Variants in PC observed in about 807,000 individuals in gnomAD.
PC encodes pyruvate carboxylase, mitochondrial.
PC carries 46 observed loss-of-function variants against 107.8 expected under a neutral mutation model. The observed-to-expected ratio is 0.43, with a 90% confidence interval of 0.34 to 0.55. The LOEUF (loss-of-function observed/expected upper bound fraction) is 0.55, where lower values mean the gene tolerates loss of function less well. PC is among the 20% of genes least tolerant of loss of function. The pLI is 0.04. For synonymous variants in PC, 662 were observed against 684.7 expected (o/e 0.97, Z 0.52); for missense variants, 1,241 against 1,643.1 (o/e 0.76, Z 4.23).
Position 66,870,210 on chromosome 11 carries a change from C to T in PC, c.903+92G>A. The T allele has an allele frequency of 6.6e-7, 1 of 1,507,804 alleles. No individual in the cohort carries two copies. The highest frequency in any genetic ancestry group is 1.7e-5 in the Admixed American group (1 of 58,934). The allele number at this position is 1,507,804 out of a possible 1,614,324, so 93.4% of individuals were successfully genotyped here. A position where few individuals can be genotyped will look rare whatever the true frequency, so the allele number is the denominator to read the frequency against. On this transcript the variant is annotated intron_variant, in intron 9 of 22. Transcript: ENST00000393960. This position sits in a 1 kb window ranked among gnomAD's most constrained non-coding sequence, Gnocchi z 6.1. The stretch of plus-strand genomic sequence containing the variant: ...CATCCCCAGTCCCCAGAAGGGGACT[C>T]AGGGTCCCCTTCCCCAACCAGCGCC...
chr11:66,849,448 C>G, intron 21 of PC, 78 bp from the exon 22 acceptor site: 1 of 1,606,206 alleles, frequency 6.2e-7, no homozygotes, highest in South Asian at 1.1e-5. Flanking sequence ...ATAGGAAGTC[C>G]CCACACTGGG....
At chr11:66,948,989 TTTATTA>T (rs200743709) in intron 3 of PC, among the ~76,000 whole-genome samples, 3 of 151,504 alleles carry the variant, frequency 2.0e-5, no homozygotes, top group East Asian at 1.9e-4. Context: ...ATTATTATTA[TTTATTA>T]TTATTATTAT....
chr11:66,904,561 C>T (rs1401437293), intron 3 of PC, among the ~76,000 whole-genome samples: 1 of 152,218 alleles, frequency 6.6e-6, no homozygotes, highest in Non-Finnish European at 1.5e-5. Context: ...TCACCTGAGC[C>T]TGGGAGGTCA....
intron 3 of PC, among the ~76,000 whole-genome samples, chr11:66,887,398 TA>T (rs1947411340): frequency 6.6e-6 from 1 of 152,186 alleles, no homozygotes; most frequent in South Asian, 2.1e-4. Context: ...AGAAAAACTA[TA>T]ATTTATCTCC....
rs181314905 is a variant in PC, at chr11:66,874,045, C to T, written c.1-1886G>A. 1.5e-3 allele frequency among the ~76,000 whole-genome samples: 221 copies of T among 152,020 alleles called. 1 individual carries two copies. Among genetic ancestry groups the T allele is most frequent in the African/African-American group, 5.2e-3 (215 of 41,450 alleles). ...TGCGATCTCGGCTCACTGCAACCTC[C>T]GCCTCCTGGGTTCGAGTGATTCTCC... is the stretch of plus-strand genomic sequence containing the variant. On this transcript the variant is annotated intron_variant, in intron 3 of 22. Transcript: ENST00000393960.
At chr11:66,947,962 C>CA (rs780211853) in intron 3 of PC, among the ~76,000 whole-genome samples, 82 of 59,530 alleles carry the variant, frequency 1.4e-3, no homozygotes, top group South Asian at 0.011. Context: ...GATTCCGTCT[C>CA]AAAAAAAAAA....
At chr11:66,861,723 G>A (rs1400373278) in intron 12 of PC, among the ~76,000 whole-genome samples, 5 of 152,278 alleles carry the variant, frequency 3.3e-5, no homozygotes, top group South Asian at 2.1e-4. Context: ...CTCAGGAGGC[G>A]GCTAGAGCCA....
At chr11:66,935,088 T>A (rs1948962608) in intron 3 of PC, among the ~76,000 whole-genome samples, 2 of 152,232 alleles carry the variant, frequency 1.3e-5, no homozygotes, top group Admixed American at 1.3e-4. Flanking sequence ...GATCCTCCTG[T>A]GGCCTCACAG....
At chr11:66,911,408 G>A (rs1948329783) in intron 3 of PC, among the ~76,000 whole-genome samples, 1 of 150,926 alleles carries the variant, frequency 6.6e-6, no homozygotes, top group African/African-American at 2.4e-5. Context: ...CTTCTTTACA[G>A]GAGCAGCCTG....
chr11:66,864,571 G>A (rs1232462631), intron 11 of PC, among the ~76,000 whole-genome samples: 5 of 152,208 alleles, frequency 3.3e-5, no homozygotes, highest in African/African-American at 1.2e-4. Flanking sequence ...GGGAGGATGG[G>A]AGGGAGAGGA....
rs1477184667 is a variant in PC at position 66,858,425 on chromosome 11, G to A, written c.1369-5042C>T. 1.9e-6 allele frequency: 3 copies of A among 1,554,992 alleles called. No individual in the cohort carries two copies. The highest frequency in any genetic ancestry group is 2.6e-6 in the Non-Finnish European group (3 of 1,156,432). Reference sequence around the variant, plus strand: ...ATGCAGAGGCCTCTCCCGCCCCCCTGGTGCTGAGCTTTAGCGGGAACCCCC... The same window carrying A: ...ATGCAGAGGCCTCTCCCGCCCCCCTAGTGCTGAGCTTTAGCGGGAACCCCC... On this transcript the variant is annotated intron_variant, in intron 12 of 22. Coordinates refer to ENST00000393960, the MANE Select transcript of PC (RefSeq NM_001040716.2). The surrounding 1 kb of genome is among the most constrained non-coding windows in gnomAD (Gnocchi z 5.9).
chr11:66,871,169 G>A lies in PC; in HGVS notation c.516C>T (p.Ala172=), dbSNP rs1946715352. The change falls in exon 7 of 23, where the codon GCC becomes GCT. Residue 172 remains alanine, a synonymous_variant. Coordinates refer to ENST00000393960, the MANE Select transcript of PC (RefSeq NM_001040716.2). This position sits in a 1 kb window ranked among gnomAD's most constrained non-coding sequence, Gnocchi z 7.4. ...GGGCCTCATGCAGGGACGTGATGGG[G>A]GCATCTGTGCCAGGGACAACGGGAA... ...AGVPVVPGTD[A]PITSLHEAHE... 1 of 1,613,734 alleles carries A rather than the reference G, an allele frequency of 6.2e-7. No individual in the cohort carries two copies. The highest frequency in any genetic ancestry group is 2.2e-5 in the East Asian group (1 of 44,854).
intron 3 of PC, among the ~76,000 whole-genome samples, chr11:66,893,758 C>A (rs1185321005): frequency 6.6e-6 from 1 of 151,894 alleles, no homozygotes; most frequent in Non-Finnish European, 1.5e-5. Context: ...ATGGCAAATG[C>A]CTATTCTATA....
Position 66,937,820 on chromosome 11 carries a change from A to C in PC, c.-1+14610T>G, listed in dbSNP as rs544112182. On this transcript the variant is annotated intron_variant, in intron 3 of 22. Coordinates refer to ENST00000393960, the MANE Select transcript of PC (RefSeq NM_001040716.2). ...GAGACTGAGTCTTGCTCTGTTGCCT[A>C]GGCTGGAGTACAGTGATGCCATCTC... is the stretch of plus-strand genomic sequence containing the variant. Among the ~76,000 whole-genome samples the C allele has an allele frequency of 7.7e-4, 109 of 141,950 alleles. 1 individual carries two copies. Among genetic ancestry groups the C allele is most frequent in the Admixed American group, 3.8e-3 (52 of 13,508 alleles). The allele number at this position is 141,950 out of a possible 152,430, so 93.1% of individuals were successfully genotyped here.
intron 11 of PC, among the ~76,000 whole-genome samples, chr11:66,864,516 A>G (rs1390293687): frequency 2.0e-5 from 3 of 152,244 alleles, no homozygotes; most frequent in Non-Finnish European, 2.9e-5. Context: ...GAAGGCCTCA[A>G]CATCCACCCA....
At chr11:66,903,048 A>AG (rs1948018064) in intron 3 of PC, among the ~76,000 whole-genome samples, 1 of 152,156 alleles carries the variant, frequency 6.6e-6, no homozygotes, top group African/African-American at 2.4e-5. Context: ...CCACATTAGC[A>AG]GGGGGGTGTT....
At chr11:66,930,739 CT>C (rs1164165321) in intron 3 of PC, among the ~76,000 whole-genome samples, 57 of 87,918 alleles carry the variant, frequency 6.5e-4, no homozygotes, top group Non-Finnish European at 1.1e-3. Flanking sequence ...AAGACTCTGT[CT>C]TAAAAAAAAA....
intron 3 of PC, among the ~76,000 whole-genome samples, chr11:66,928,385 CAAA>C (rs752969475): frequency 1.1e-5 from 1 of 94,772 alleles, no homozygotes; most frequent in African/African-American, 4.2e-5. Flanking sequence ...GACTCCATCT[CAAA>C]AAAAAAAAAA....
chr11:66,870,643 T>C lies in PC; in HGVS notation c.751+132A>G. ...CCAGCTCGGCCCCTAGAGCCCACTT[T>C]CCAGAGTCCTCTGGAAAAGCGCCCG... On this transcript the variant is annotated intron_variant, in intron 8 of 22. Coordinates refer to ENST00000393960, the MANE Select transcript of PC (RefSeq NM_001040716.2). This position sits in a 1 kb window ranked among gnomAD's most constrained non-coding sequence, Gnocchi z 6.1. 8.7e-7 allele frequency: 1 copy of C among 1,143,526 alleles called. No individual in the cohort carries two copies. Among genetic ancestry groups the C allele is most frequent in the Non-Finnish European group, 1.3e-6 (1 of 768,150 alleles). 70.8% of individuals were successfully genotyped at this position (1,143,526 alleles called of 1,614,324 possible). A position where few individuals can be genotyped will look rare whatever the true frequency, so the allele number is the denominator to read the frequency against.
Sources: allele counts gnomAD v4.1 joint callset (sites outside exome capture counted in the v4.1 genomes callset), GRCh38; gene constraint gnomAD v4.1.1; non-coding constraint Gnocchi (gnomAD v3.1); transcripts MANE v1.5; gene names NCBI Gene and HGNC (gene_info 2026-07-23, HGNC 2026-07-21).